The following EFCAB7 variants were observed in gnomAD, a reference collection of about 807,000 sequenced individuals.
EFCAB7 encodes the protein EF-hand calcium binding domain 7, also known as EF-hand calcium-binding domain-containing protein 7.
In EFCAB7, 66 loss-of-function variants were observed where a neutral mutation model predicts 77.1. The ratio of observed to expected loss-of-function variants is 0.86; its 90% CI spans 0.70 to 1.05. The LOEUF (loss-of-function observed/expected upper bound fraction) is 1.05. EFCAB7 is among the 50% of genes least tolerant of loss of function. The probability of loss-of-function intolerance (pLI) is 0.00; values close to 1 mark genes in which losing one functional copy is unlikely to be tolerated. For missense variants in EFCAB7, 638 were observed against 730.5 expected (o/e 0.87, Z 1.46); for synonymous variants, 225 against 243.3 (o/e 0.92, Z 0.70).
chr1:63,525,935 A>G (rs1646581736), intron 2 of EFCAB7, among the ~76,000 whole-genome samples, 176 bp downstream of exon 2: 1 of 152,226 alleles, frequency 6.6e-6, no homozygotes, highest in South Asian at 2.1e-4. Context: ...TCTAGGAACT[A>G]CAAAATAAAA....
chr1:63,563,410 A>G (rs1163855692), intron 11 of EFCAB7, among the ~76,000 whole-genome samples: 3 of 152,250 alleles, frequency 2.0e-5, no homozygotes, highest in Non-Finnish European at 2.9e-5. Context: ...AAGGAGAGCT[A>G]TGCTGATCAG....
intron 8 of EFCAB7, 21 bp downstream of exon 8, chr1:63,551,855 A>G (rs1385166443): frequency 2.7e-6 from 4 of 1,455,646 alleles, no homozygotes; most frequent in African/African-American, 2.9e-5. Context: ...TTATTTTCTA[A>G]TGTTTAATTT....
At chr1:63,576,835 CAAAT>C (rs964834864), downstream of EFCAB7, among the ~76,000 whole-genome samples, 397 of 143,812 alleles carry the variant, frequency 2.8e-3, no homozygotes, top group African/African-American at 1.0e-2. Flanking sequence ...GACTCTGTCT[CAAAT>C]AAATAAATAA....
chr1:63,554,462 C>T (rs1279119205), intron 8 of EFCAB7, among the ~76,000 whole-genome samples: 1 of 152,174 alleles, frequency 6.6e-6, no homozygotes, highest in African/African-American at 2.4e-5. Flanking sequence ...GCCTCAGCCT[C>T]CCAAGTAGCT....
chr1:63,549,218 T>C (rs943919037), intron 7 of EFCAB7: 1 of 395,098 alleles, frequency 2.5e-6, no homozygotes, highest in African/African-American at 2.1e-5. Flanking sequence ...GAACAGGACA[T>C]GAGATTAAGG....
intron 2 of EFCAB7, among the ~76,000 whole-genome samples, chr1:63,530,680 T>C (rs967487498): frequency 1.3e-5 from 2 of 152,188 alleles, no homozygotes; most frequent in African/African-American, 4.8e-5. Flanking sequence ...TCACAGTATA[T>C]TGACATTCTT....
In EFCAB7 at chr1:63,572,528, T is replaced by G. The variant is rs1161923790; in HGVS notation, c.*12T>G. On this transcript the variant is annotated 3_prime_UTR_variant, in exon 14 of 14. Transcript: ENST00000371088. ...CTCTTATTTCTTAAATAATTATACT[T>G]AGAACTTACCAAACTAAGAATTATT... The G allele has an allele frequency of 2.8e-6, 4 of 1,432,666 alleles. No homozygotes were observed. In the African/African-American group the frequency reaches 5.9e-5, roughly 21 times the overall value. 88.7% of individuals were successfully genotyped at this position (1,432,666 alleles called of 1,614,324 possible).
At chr1:63,575,941 T>G (rs955490339), downstream of EFCAB7, among the ~76,000 whole-genome samples, 2 of 151,896 alleles carry the variant, frequency 1.3e-5, no homozygotes, top group Non-Finnish European at 3.0e-5. Context: ...ATACTAAGTC[T>G]TCTTCTCCTA....
intron 11 of EFCAB7, among the ~76,000 whole-genome samples, chr1:63,564,440 C>T (rs557322474): frequency 6.6e-5 from 10 of 152,156 alleles, no homozygotes; most frequent in Admixed American, 2.0e-4. Context: ...AGCCAATTCA[C>T]GAAAGAACTC....
intron 1 of EFCAB7, 93 bp from the exon 2 acceptor site, chr1:63,525,479 C>T: frequency 9.5e-7 from 1 of 1,052,170 alleles, no homozygotes; most frequent in Non-Finnish European, 1.3e-6. Flanking sequence ...TGTATAAAAT[C>T]TTGATTCTCC....
chr1:63,556,007 G>T (rs961054878), intron 9 of EFCAB7, among the ~76,000 whole-genome samples: 2 of 152,022 alleles, frequency 1.3e-5, no homozygotes, highest in Middle Eastern at 3.2e-3. Flanking sequence ...CAAAGTGCTG[G>T]GATTATAGGT....
In EFCAB7 at chr1:63,568,292, A is replaced by AT. The variant is rs752861760; in HGVS notation, c.1498-9dup. 203 of 1,562,892 alleles carry AT rather than the reference A, an allele frequency of 1.3e-4. No individual in the cohort carries two copies. The highest frequency in any genetic ancestry group is 4.3e-4 in the South Asian group (36 of 83,676). On this transcript the variant is annotated splice_polypyrimidine_tract_variant and intron_variant, in intron 11 of 13. Coordinates refer to ENST00000371088, the MANE Select transcript of EFCAB7 (RefSeq NM_032437.4). The stretch of plus-strand genomic sequence containing the variant: ...AATTCTATCAAAAGGCTGAAACAAG[A>AT]TTTTTTTTTCCTATCAGGCATGTCC...
chr1:63,582,280 A>C, the EFCAB7 span, among the ~76,000 whole-genome samples: 1 of 152,246 alleles, frequency 6.6e-6, no homozygotes, highest in Non-Finnish European at 1.5e-5. Flanking sequence ...TGCTCCTAAG[A>C]AGCATAGCAA....
At chr1:63,564,953 T>C (rs1647152658) in intron 11 of EFCAB7, among the ~76,000 whole-genome samples, 1 of 152,146 alleles carries the variant, frequency 6.6e-6, no homozygotes, top group Non-Finnish European at 1.5e-5. Flanking sequence ...CAAAAACAAA[T>C]AATGGGAAAA....
chr1:63,579,940 A>G, the EFCAB7 span, among the ~76,000 whole-genome samples: 1 of 152,196 alleles, frequency 6.6e-6, no homozygotes, highest in African/African-American at 2.4e-5. Context: ...TTTTCTTACC[A>G]TTTGATTCTT....
chr1:63,574,220 C>A (rs1211754005), downstream of EFCAB7, among the ~76,000 whole-genome samples: 1 of 152,166 alleles, frequency 6.6e-6, no homozygotes, highest in Admixed American at 6.5e-5. Context: ...AGTAGAATTG[C>A]AGCTGGAACA....
At chr1:63,557,527 C>T (rs1199435035) in intron 10 of EFCAB7, among the ~76,000 whole-genome samples, 1 of 152,126 alleles carries the variant, frequency 6.6e-6, no homozygotes, top group African/African-American at 2.4e-5. Context: ...AAAACTTGTC[C>T]TTGCGCTTGA....
intron 7 of EFCAB7, chr1:63,550,129 A>T (rs1646948093): frequency 1.3e-5 from 2 of 152,244 alleles, no homozygotes; most frequent in African/African-American, 4.8e-5. Flanking sequence ...TAGTCTGATT[A>T]ATTTGTTATT....
the EFCAB7 span, among the ~76,000 whole-genome samples, chr1:63,581,842 A>G: frequency 6.6e-6 from 1 of 152,222 alleles, no homozygotes; most frequent in Non-Finnish European, 1.5e-5. Flanking sequence ...TTACTACATA[A>G]AATCTACACA....
Sources: gnomAD v4.1 joint callset for allele counts (sites outside exome capture counted in the v4.1 genomes callset) on GRCh38, gnomAD v4.1.1 for gene constraint, MANE v1.5 for transcripts, NCBI Gene and HGNC (gene_info 2026-07-23, HGNC 2026-07-21) for gene names.